Variants in SIM1 observed in about 807,000 individuals in gnomAD.
SIM1 encodes SIM bHLH transcription factor 1.
A neutral mutation model predicts 78.2 loss-of-function variants in SIM1; 18 were observed. The ratio of observed to expected loss-of-function variants is 0.23; its 90% confidence interval spans 0.16 to 0.34. The LOEUF (loss-of-function observed/expected upper bound fraction) is 0.34, where lower values mean the gene tolerates loss of function less well. Ranked by LOEUF, SIM1 falls within the 10% of genes least tolerant of loss-of-function variation. SIM1 has a pLI of 1.00. For missense variants in SIM1, 939 were observed against 975.1 expected (o/e 0.96, Z 0.49); for synonymous variants, 417 against 385.2 (o/e 1.08, Z -0.97).
At chr6:100,421,879 T>C (rs529831163) in intron 9 of SIM1, among the ~76,000 whole-genome samples, 5 of 152,308 alleles carry the variant, frequency 3.3e-5, no homozygotes, top group Non-Finnish European at 5.9e-5. Context: ...TGAAGACTCA[T>C]GGGAGAATTT....
At chr6:100,413,979 T>G (rs1459235477) in intron 10 of SIM1, among the ~76,000 whole-genome samples, 3 of 152,214 alleles carry the variant, frequency 2.0e-5, no homozygotes, top group African/African-American at 2.4e-5. Context: ...GTGTCCTTCA[T>G]AGCAGACTTC....
At chr6:100,456,429 T>C (rs886162258) in intron 2 of SIM1, among the ~76,000 whole-genome samples, 5 of 152,180 alleles carry the variant, frequency 3.3e-5, no homozygotes, top group Non-Finnish European at 7.3e-5. Context: ...GGAAACCAGC[T>C]CCCTTTGCGG....
chr6:100,405,986 G>A lies in SIM1; in HGVS notation c.1168-12097C>T, dbSNP rs139923217. On this transcript the variant is annotated intron_variant, in intron 10 of 11. Transcript: ENST00000369208. ...TCCCTTTTGTAAATCCAAAGGTGATGTCTTAAAGACTTGCAAGCATTTTCA... is the reference window on the plus strand; with the variant it reads ...TCCCTTTTGTAAATCCAAAGGTGATATCTTAAAGACTTGCAAGCATTTTCA... Among the ~76,000 whole-genome samples the A allele has an allele frequency of 2.6e-5, 4 of 152,310 alleles. No homozygotes were observed. The East Asian group carries it at 7.7e-4, about 29-fold the overall frequency.
At chr6:100,391,315 C>T (rs1463324462) in intron 11 of SIM1, among the ~76,000 whole-genome samples, 3 of 152,150 alleles carry the variant, frequency 2.0e-5, no homozygotes, top group Non-Finnish European at 2.9e-5. Flanking sequence ...TAAATGCAGA[C>T]CAAGTTTATA....
chr6:100,453,656 T>G, intron 3 of SIM1, 106 bp downstream of exon 3: 3 of 847,254 alleles, frequency 3.5e-6, no homozygotes, highest in Non-Finnish European at 5.4e-6. Context: ...GGGGGGGTTG[T>G]TTGTTTTTTT....
At position 100,449,624 on chromosome 6, in the gene SIM1, C is replaced by T. The variant is rs1476807175; in HGVS notation, c.424G>A (p.Ala142Thr). 5.0e-6 allele frequency: 8 copies of T among 1,614,038 alleles called. No individual in the cohort carries two copies. Among genetic ancestry groups the T allele is most frequent in the African/African-American group, 1.3e-5 (1 of 75,038 alleles). The change falls in exon 5 of 12, where the codon GCC (alanine) becomes ACC (threonine). Residue 142 changes from alanine to threonine, a missense_variant. Ala to Thr is a moderately conservative substitution (Grantham distance 58). Around this residue, in one of 5 missense-constraint regions of SIM1, gnomAD observed 187 missense variants for 191.6 expected, o/e 0.98. Transcript: ENST00000369208. ...AAGTGAGAGTGGTAGGGTTGATGGG[C>T]GGTGAGCACCGCCGTCATCTCGTCG... The part of the protein sequence containing the change: ...DHDEMTAVLT[A>T]HQPYHSHFVQ...
intron 10 of SIM1, among the ~76,000 whole-genome samples, chr6:100,406,557 A>G (rs1380188630): frequency 6.6e-6 from 1 of 152,194 alleles, no homozygotes; most frequent in Non-Finnish European, 1.5e-5. Flanking sequence ...GCCCTCCACC[A>G]AGTTGAGCAA....
rs1035137737 is a variant in SIM1, at chr6:100,389,692, C to T, written c.*669G>A. 28 of 398,860 alleles carry T rather than the reference C, an allele frequency of 7.0e-5. No homozygotes were observed. Among genetic ancestry groups the T allele is most frequent in the South Asian group, 1.3e-4 (1 of 7,856 alleles). 24.7% of individuals were successfully genotyped at this position (398,860 alleles called of 1,614,324 possible). ...CAGTGCAATCCTGGTCCTTGTCTAA[C>T]TGAAAAGCAAGGTGAAAAATTACCT... On this transcript the variant is annotated 3_prime_UTR_variant, in exon 12 of 12. Transcript: ENST00000369208.
intron 2 of SIM1, among the ~76,000 whole-genome samples, chr6:100,454,620 T>G (rs1772599924): frequency 6.6e-6 from 1 of 152,158 alleles, no homozygotes; most frequent in African/African-American, 2.4e-5. Context: ...TGAGACTCAT[T>G]CAACTTTTCT....
chr6:100,448,981 G>C (rs183133669), intron 6 of SIM1, among the ~76,000 whole-genome samples: 1 of 152,282 alleles, frequency 6.6e-6, no homozygotes. Flanking sequence ...GACATTCAAC[G>C]TGAGACCCAT....
chr6:100,413,381 A>G (rs916827553), intron 10 of SIM1, among the ~76,000 whole-genome samples: 1 of 152,118 alleles, frequency 6.6e-6, no homozygotes, highest in Non-Finnish European at 1.5e-5. Context: ...ATCCTCATGA[A>G]TCTTATCTTT....
intron 9 of SIM1, among the ~76,000 whole-genome samples, chr6:100,421,808 A>T (rs1771596206): frequency 6.6e-6 from 1 of 152,194 alleles, no homozygotes; most frequent in African/African-American, 2.4e-5. Context: ...CTCAGTTTTC[A>T]TAAGAGGATA....
chr6:100,451,204 A>G (rs939178700), intron 3 of SIM1, among the ~76,000 whole-genome samples: 9 of 152,166 alleles, frequency 5.9e-5, no homozygotes, highest in African/African-American at 2.2e-4. Context: ...CCAGAGCCTG[A>G]GTGACCGGAG....
At chr6:100,436,881 G>A (rs1227710316) in intron 9 of SIM1, among the ~76,000 whole-genome samples, 1 of 151,764 alleles carries the variant, frequency 6.6e-6, no homozygotes, top group Non-Finnish European at 1.5e-5. Context: ...TAGGACTACA[G>A]CCCGCACCAC....
At chr6:100,394,013 T>C in intron 10 of SIM1, 124 bp from the exon 11 acceptor site, 1 of 964,182 alleles carries the variant, frequency 1.0e-6, no homozygotes, top group Non-Finnish European at 1.5e-6. Context: ...TGTCCTGAGG[T>C]CGTCAAAATA....
intron 10 of SIM1, among the ~76,000 whole-genome samples, chr6:100,412,658 AGAGAG>A (rs1562239906): frequency 1.9e-5 from 2 of 102,632 alleles, no homozygotes; most frequent in African/African-American, 7.0e-5. Flanking sequence ...AGAAAGAAAG[AGAGAG>A]AGAGAGAGAG....
In SIM1 at chr6:100,429,084, C is replaced by T. The variant is rs117535219; in HGVS notation, c.999-8126G>A. On this transcript the variant is annotated intron_variant, in intron 9 of 11. Transcript: ENST00000369208. ...GAAATAAGTATCAAGAATCTGTATA[C>T]AGGGCTGGGCACGGTAGCTCACGCC... 1.5e-3 allele frequency among the ~76,000 whole-genome samples: 228 copies of T among 152,208 alleles called. 8 individuals are homozygous for T. In the East Asian group the frequency reaches 0.042, roughly 28 times the overall value.
intron 9 of SIM1, among the ~76,000 whole-genome samples, chr6:100,442,303 T>C (rs1318028970): frequency 6.6e-6 from 1 of 152,232 alleles, no homozygotes; most frequent in East Asian, 1.9e-4. Flanking sequence ...ACTGGTATTA[T>C]GTATTTCAAA....
chr6:100,431,993 A>T (rs1026808058), intron 9 of SIM1, among the ~76,000 whole-genome samples: 1 of 152,096 alleles, frequency 6.6e-6, no homozygotes, highest in African/African-American at 2.4e-5. Flanking sequence ...AAAATAAAAA[A>T]CAATTAGCCA....
Sources: gnomAD v4.1 joint callset for allele counts (sites outside exome capture counted in the v4.1 genomes callset) on GRCh38, gnomAD v4.1.1 for gene constraint, gnomAD v4.1.1 regional missense constraint, MANE v1.5 for transcripts, NCBI Gene and HGNC (gene_info 2026-07-23, HGNC 2026-07-21) for gene names.